The following DCAF4 variants were observed in gnomAD, a reference collection of about 807,000 sequenced individuals.
The protein encoded by DCAF4 is DDB1 and CUL4 associated factor 4.
Under a neutral mutation model 60.9 loss-of-function variants are expected in DCAF4, and 37 were observed. The observed-to-expected ratio is 0.61, with a 90% CI of 0.47 to 0.80. DCAF4 has a LOEUF of 0.80. Among genes scored for constraint, DCAF4 ranks in the 30% least tolerant of loss-of-function variants. The pLI is 0.00. For missense variants in DCAF4, 577 were observed against 650.0 expected (o/e 0.89, Z 1.22); for synonymous variants, 243 against 254.8 (o/e 0.95, Z 0.44).
At chr14:72,938,912 A>G (rs1889659118) in intron 2 of DCAF4, among the ~76,000 whole-genome samples, 1 of 151,962 alleles carries the variant, frequency 6.6e-6, no homozygotes, top group Non-Finnish European at 1.5e-5. Flanking sequence ...TTATTTATTT[A>G]TTTAAGAGAT....
At chr14:72,947,875 G>GTCAT (rs1219495381) in intron 8 of DCAF4, among the ~76,000 whole-genome samples, 1 of 152,168 alleles carries the variant, frequency 6.6e-6, no homozygotes, top group African/African-American at 2.4e-5. Flanking sequence ...GTAGTACAGT[G>GTCAT]TCGTGGTCCC....
intron 9 of DCAF4, among the ~76,000 whole-genome samples, chr14:72,952,351 C>T (rs1319520626): frequency 3.3e-5 from 5 of 152,166 alleles, no homozygotes; most frequent in South Asian, 4.1e-4. Context: ...AGACCTGGCA[C>T]GAATCCCAGC....
intron 13 of DCAF4, 195 bp downstream of exon 13, chr14:72,956,695 C>G (rs1253453449): frequency 5.7e-6 from 3 of 529,258 alleles, no homozygotes; most frequent in Non-Finnish European, 1.0e-5. Flanking sequence ...AAATAAATGT[C>G]CACCAGGTGG....
chr14:72,931,079 T>G (rs1292143265), intron 1 of DCAF4, among the ~76,000 whole-genome samples: 1 of 152,200 alleles, frequency 6.6e-6, no homozygotes, highest in East Asian at 1.9e-4. Context: ...AAGATGATTT[T>G]GGGTATTCTG....
chr14:72,947,038 G>T, intron 7 of DCAF4, 104 bp from the exon 8 acceptor site: 2 of 1,442,510 alleles, frequency 1.4e-6, no homozygotes, highest in South Asian at 2.3e-5. Flanking sequence ...AGAGGAGCAG[G>T]ACGTGAAGAG....
chr14:72,949,189 C>T (rs777854367), intron 8 of DCAF4, among the ~76,000 whole-genome samples: 22 of 152,266 alleles, frequency 1.4e-4, no homozygotes, highest in South Asian at 2.1e-4. Context: ...TGGCTCCCAC[C>T]GGTAATCTCA....
chr14:72,944,087 G>C (rs1011869294), intron 6 of DCAF4, among the ~76,000 whole-genome samples: 1 of 152,168 alleles, frequency 6.6e-6, no homozygotes, highest in Non-Finnish European at 1.5e-5. Flanking sequence ...GGTGGGGACG[G>C]TGGGGGTCAT....
chr14:72,947,241 T>A (rs368075846), intron 8 of DCAF4, 50 bp downstream of exon 8: 118 of 1,606,332 alleles, frequency 7.3e-5, no homozygotes, highest in Non-Finnish European at 9.5e-5. Context: ...CACCCTGACG[T>A]TGGACCTGGG....
rs148311071 is a variant in DCAF4, at chr14:72,955,654, C to T, written c.1137C>T (p.Leu379=). The T allele has an allele frequency of 4.3e-6, 7 of 1,613,954 alleles. No homozygotes were observed. The highest frequency in any genetic ancestry group is 4.2e-6 in the Non-Finnish European group (5 of 1,180,004). The stretch of plus-strand genomic sequence containing the variant: ...CAGCAGTGACCTCTGTGCGGATCCT[C>T]CAAGATGAGCAATACCTGATGGCTT... ...HDSAVTSVRI[L]QDEQYLMASD... Residue 379 remains leucine (L), a synonymous_variant, in exon 12 of 14, where the codon CTC becomes CTT. Coordinates refer to ENST00000358377, the MANE Select transcript of DCAF4 (RefSeq NM_015604.4).
chr14:72,953,719 AAAAAAAAAAAAAAATATATATAT>A lies in DCAF4; in HGVS notation c.809-443_809-421del, dbSNP rs1430475328. 6.4e-3 allele frequency among the ~76,000 whole-genome samples: 327 copies of A among 50,710 alleles called. 29 individuals carry two copies. Among genetic ancestry groups the A allele is most frequent in the African/African-American group, 0.029 (310 of 10,840 alleles). The allele number at this position is 50,710 out of a possible 152,430, so 33.3% of individuals were successfully genotyped here. ...AACAAGACCCTGTCTTAAAAAAAAA[AAAAAAAAAAAAAAATATATATAT>A]ATATATATATATATATATATAGTTT... On this transcript the variant is annotated intron_variant, in intron 9 of 13. Transcript: ENST00000358377.
At chr14:72,937,859 G>T in intron 1 of DCAF4, 112 bp from the exon 2 acceptor site, 1 of 1,404,912 alleles carries the variant, frequency 7.1e-7, no homozygotes. Context: ...TGATAACCCA[G>T]GGTGGGCCAG....
intron 9 of DCAF4, among the ~76,000 whole-genome samples, chr14:72,953,823 TGTGTG>T (rs1891901402): frequency 7.7e-6 from 1 of 129,452 alleles, no homozygotes; most frequent in South Asian, 2.4e-4. Flanking sequence ...TGTGTGTGTG[TGTGTG>T]TATATACACA....
At position 72,947,060 on chromosome 14, in the gene DCAF4, G is replaced by A. The variant is rs112256014; in HGVS notation, c.679-82G>A. The A allele has an allele frequency of 1.1e-3, 1,733 of 1,569,272 alleles. 20 individuals carry two copies. In the African/African-American group the frequency reaches 0.021, roughly 19 times the overall value. Reference sequence around the variant, plus strand: ...CAGGACGTGAAGAGAGAAGTCACACGTCTGTGTCCCCACATGTTATTCCAC... The same window carrying A: ...CAGGACGTGAAGAGAGAAGTCACACATCTGTGTCCCCACATGTTATTCCAC... On this transcript the variant is annotated intron_variant, in intron 7 of 13. Coordinates refer to ENST00000358377, the MANE Select transcript of DCAF4 (RefSeq NM_015604.4).
chr14:72,947,699 C>T (rs1381369634), intron 8 of DCAF4, among the ~76,000 whole-genome samples: 1 of 152,096 alleles, frequency 6.6e-6, no homozygotes, highest in African/African-American at 2.4e-5. Flanking sequence ...CAGGGTCCTC[C>T]TAGGGGAAGC....
chr14:72,939,484 C>T (rs1400533197), intron 2 of DCAF4, among the ~76,000 whole-genome samples: 1 of 152,138 alleles, frequency 6.6e-6, no homozygotes, highest in Non-Finnish European at 1.5e-5. Flanking sequence ...TGGTAAAATT[C>T]TTATTGGCAG....
In DCAF4 at chr14:72,954,173, G is replaced by T; in HGVS notation, c.818G>T (p.Arg273Leu). The part of the protein sequence containing the change: ...LFVNSHPGID[R>L]PGMLCSFRIP... ...CCTATCCCCTTAGCAGGAATAGACC[G>T]GCCTGGCATGCTCTGCAGTTTCCGG... The change falls in exon 10 of 14, where the codon CGG becomes CTG. Residue 273 changes from arginine (R) to leucine (L), a missense_variant. Physicochemically the swap from Arg to Leu is moderately radical, Grantham distance 102. Coordinates refer to ENST00000358377, the MANE Select transcript of DCAF4 (RefSeq NM_015604.4). 1.9e-6 allele frequency: 3 copies of T among 1,614,096 alleles called. No individual in the cohort carries two copies. The highest frequency in any genetic ancestry group is 2.5e-6 in the Non-Finnish European group (3 of 1,180,022).
At chr14:72,937,796 G>C (rs547229450) in intron 1 of DCAF4, 175 bp from the exon 2 acceptor site, 1 of 527,680 alleles carries the variant, frequency 1.9e-6, no homozygotes, top group South Asian at 8.3e-5. Context: ...AAGGATGTTG[G>C]GGGAGTGCTG....
At chr14:72,957,874 G>C (rs1892506246) in intron 13 of DCAF4, 1 of 152,552 alleles carries the variant, frequency 6.6e-6, no homozygotes. Flanking sequence ...GTGTGTCACA[G>C]TCCTCAGAAC....
intron 8 of DCAF4, among the ~76,000 whole-genome samples, chr14:72,949,426 A>G (rs192527530): frequency 0.011 from 1,732 of 152,318 alleles, 19 homozygotes; most frequent in Non-Finnish European, 0.018. Context: ...ACTGCACTCC[A>G]GCCTGGGTGA....
Sources: gnomAD v4.1 joint callset for allele counts (sites outside exome capture counted in the v4.1 genomes callset) on GRCh38, gnomAD v4.1.1 for gene constraint, MANE v1.5 for transcripts, NCBI Gene and HGNC (gene_info 2026-07-23, HGNC 2026-07-21) for gene names.